The following NUBPL variants were observed in gnomAD, a reference collection of about 807,000 sequenced individuals.
The protein encoded by NUBPL is NUBP iron-sulfur cluster assembly factor, mitochondrial.
In NUBPL, 31 loss-of-function variants were observed where a neutral mutation model predicts 45.7. The ratio of observed to expected loss-of-function variants is 0.68; its 90% CI spans 0.51 to 0.92. The LOEUF is 0.92. NUBPL is among the 40% of genes least tolerant of loss of function. NUBPL has a pLI of 0.00. For missense variants in NUBPL, 401 were observed against 398.7 expected (o/e 1.01, Z -0.05); for synonymous variants, 144 against 140.9 (o/e 1.02, Z -0.15).
At chr14:31,638,599 G>C (rs1046527306) in intron 4 of NUBPL, among the ~76,000 whole-genome samples, 1 of 151,956 alleles carries the variant, frequency 6.6e-6, no homozygotes, top group Non-Finnish European at 1.5e-5. Flanking sequence ...GTATCTTTGT[G>C]GCGTTCTCTG....
At chr14:31,594,269 A>T (rs1275533604) in intron 3 of NUBPL, among the ~76,000 whole-genome samples, 4 of 152,128 alleles carry the variant, frequency 2.6e-5, no homozygotes, top group Non-Finnish European at 5.9e-5. Flanking sequence ...AACGAAAAAA[A>T]ATTAGCTAGG....
At chr14:31,676,848 G>A (rs1328896694) in intron 6 of NUBPL, among the ~76,000 whole-genome samples, 1 of 151,770 alleles carries the variant, frequency 6.6e-6, no homozygotes, top group Non-Finnish European at 1.5e-5. Context: ...TCAGGTAATA[G>A]ATATTGGGAG....
chr14:31,679,311 A>G (rs2036773866), intron 6 of NUBPL, among the ~76,000 whole-genome samples: 1 of 151,862 alleles, frequency 6.6e-6, no homozygotes, highest in Non-Finnish European at 1.5e-5. Flanking sequence ...GAGAGTTGTT[A>G]AATTTGGTGT....
intron 10 of NUBPL, among the ~76,000 whole-genome samples, chr14:31,856,687 C>T (rs2040626211): frequency 6.6e-6 from 1 of 152,170 alleles, no homozygotes; most frequent in Admixed American, 6.5e-5. Context: ...GCTACAGGCC[C>T]CATGCAAGTC....
intron 4 of NUBPL, among the ~76,000 whole-genome samples, chr14:31,631,955 C>T (rs928281651): frequency 6.6e-6 from 1 of 152,100 alleles, no homozygotes; most frequent in African/African-American, 2.4e-5. Context: ...AAAAATTAAT[C>T]ATCATACTCC....
intron 6 of NUBPL, among the ~76,000 whole-genome samples, chr14:31,674,185 G>A (rs2036638829): frequency 6.6e-6 from 1 of 152,072 alleles, no homozygotes; most frequent in African/African-American, 2.4e-5. Context: ...CAGTAGATTT[G>A]AGTTTGTAAT....
At chr14:31,711,963 C>G (rs1008880008) in intron 6 of NUBPL, among the ~76,000 whole-genome samples, 4 of 152,156 alleles carry the variant, frequency 2.6e-5, no homozygotes, top group African/African-American at 9.7e-5. Context: ...AGCTGAAGAC[C>G]TTCGCAGTGA....
chr14:31,727,052 C>T (rs541164510), intron 6 of NUBPL, among the ~76,000 whole-genome samples: 7 of 152,096 alleles, frequency 4.6e-5, no homozygotes, highest in East Asian at 1.9e-4. Context: ...GTTGAGTTAG[C>T]GAATAACCCA....
chr14:31,855,912 C>T (rs75081470), intron 10 of NUBPL, among the ~76,000 whole-genome samples: 2,290 of 152,130 alleles, frequency 0.015, 38 homozygotes, highest in African/African-American at 0.046. Flanking sequence ...TCTGTAAAGT[C>T]GGGATAATGA....
intron 3 of NUBPL, among the ~76,000 whole-genome samples, chr14:31,597,290 C>T (rs1043739565): frequency 1.3e-5 from 2 of 152,100 alleles, no homozygotes; most frequent in Non-Finnish European, 2.9e-5. Flanking sequence ...CTTGTAATTT[C>T]CCCCTCCTCC....
chr14:31,716,285 G>T (rs891328550), intron 6 of NUBPL, among the ~76,000 whole-genome samples: 2 of 152,156 alleles, frequency 1.3e-5, no homozygotes, highest in Non-Finnish European at 1.5e-5. Flanking sequence ...ATGATAAAAA[G>T]TATACTGTAG....
intron 6 of NUBPL, among the ~76,000 whole-genome samples, chr14:31,702,695 C>T (rs1033091344): frequency 6.6e-6 from 1 of 152,142 alleles, no homozygotes; most frequent in Non-Finnish European, 1.5e-5. Flanking sequence ...ATTCTCCAGC[C>T]AGAGAGGCTA....
chr14:31,805,301 T>G lies in NUBPL; in HGVS notation c.607+17428T>G, dbSNP rs4981127. The stretch of plus-strand genomic sequence containing the variant: ...TGAGATTGCAGAGAAAAGGGAACAC[T>G]TATACACTGTTGGTGAGAGTGTAAA... On this transcript the variant is annotated intron_variant, in intron 7 of 10. Transcript: ENST00000281081. 3.3e-5 allele frequency among the ~76,000 whole-genome samples: 5 copies of G among 152,124 alleles called. No homozygotes were observed. In the South Asian group the frequency reaches 1.0e-3, roughly 32 times the overall value.
At chr14:31,835,897 A>AT (rs1381341030) in intron 8 of NUBPL, among the ~76,000 whole-genome samples, 1 of 152,148 alleles carries the variant, frequency 6.6e-6, no homozygotes, top group African/African-American at 2.4e-5. Context: ...TTAACAATGA[A>AT]TTTTTCCTCC....
At chr14:31,787,723 C>T in intron 6 of NUBPL, 57 bp from the exon 7 acceptor site, 2 of 1,107,092 alleles carry the variant, frequency 1.8e-6, no homozygotes, top group Non-Finnish European at 1.4e-6. Flanking sequence ...ATTTTGTTTA[C>T]ATCACTATTC....
At chr14:31,840,596 A>C (rs1392093496) in intron 8 of NUBPL, among the ~76,000 whole-genome samples, 1 of 147,520 alleles carries the variant, frequency 6.8e-6, no homozygotes, top group Non-Finnish European at 1.5e-5. Context: ...AAAAAGAAAA[A>C]GAAAGAAATC....
intron 4 of NUBPL, among the ~76,000 whole-genome samples, chr14:31,610,464 T>A (rs1468863842): frequency 6.6e-6 from 1 of 151,866 alleles, no homozygotes; most frequent in Non-Finnish European, 1.5e-5. Flanking sequence ...CCCAATAGCT[T>A]CACTGCTGAA....
In NUBPL at chr14:31,562,117, T is replaced by A; in HGVS notation, c.158T>A (p.Met53Lys). The A allele has an allele frequency of 6.2e-7, 1 of 1,613,208 alleles. No homozygotes were observed. Among genetic ancestry groups the A allele is most frequent in the Non-Finnish European group, 8.5e-7 (1 of 1,179,406 alleles). Residue 53 changes from methionine to lysine, a missense_variant, in exon 2 of 11, where the codon ATG (methionine) becomes AAG (lysine). Coordinates refer to ENST00000281081, the MANE Select transcript of NUBPL (RefSeq NM_025152.3). ...ETLKQRRTQI[M>K]SRGLPKQKPI... ...CTAAAACAAAGAAGAACACAAATCA[T>A]GTCCCGAGGACTTCCAAAGCAGAAA...
chr14:31,750,166 A>G (rs1005377186), intron 6 of NUBPL, among the ~76,000 whole-genome samples: 16 of 62,026 alleles, frequency 2.6e-4, no homozygotes, highest in African/African-American at 5.4e-4. Flanking sequence ...TTTTCTTACA[A>G]TCATTATTAT....
Sources: gnomAD v4.1 joint callset for allele counts (sites outside exome capture counted in the v4.1 genomes callset) on GRCh38, gnomAD v4.1.1 for gene constraint, MANE v1.5 for transcripts, NCBI Gene and HGNC (gene_info 2026-07-23, HGNC 2026-07-21) for gene names.